Variants in SERTAD4 observed in about 807,000 individuals in gnomAD.
SERTAD4 encodes the protein SERTA domain-containing protein 4.
SERTAD4 carries 18 observed loss-of-function variants against 32.9 expected under a neutral mutation model. The observed-to-expected ratio is 0.55, with a 90% confidence interval of 0.38 to 0.81. SERTAD4 has a LOEUF of 0.81. SERTAD4 is among the 30% of genes least tolerant of loss of function. The probability of loss-of-function intolerance (pLI) is 0.00; values close to 1 mark genes in which losing one functional copy is unlikely to be tolerated. For synonymous variants in SERTAD4, 150 were observed against 156.4 expected, an observed-to-expected ratio of 0.96 and a Z score of 0.30; for missense variants, 383 against 426.0, an observed-to-expected ratio of 0.90 and a Z score of 0.89.
chr1:210,235,927 G>A (rs965801937), intron 1 of SERTAD4, among the ~76,000 whole-genome samples: 3 of 152,208 alleles, frequency 2.0e-5, no homozygotes, highest in Non-Finnish European at 2.9e-5. Flanking sequence ...CTTCAAACTA[G>A]AAAATGTTGA....
chr1:210,233,068 G>A (rs1387223916), intron 1 of SERTAD4, 57 bp downstream of exon 1: 1 of 151,754 alleles, frequency 6.6e-6, no homozygotes, highest in Non-Finnish European at 1.5e-5. Flanking sequence ...AGGGTGGAGG[G>A]CGAGGGCCCC....
chr1:210,238,724 T>A (rs2083968036), intron 2 of SERTAD4, among the ~76,000 whole-genome samples: 1 of 152,190 alleles, frequency 6.6e-6, no homozygotes, highest in Non-Finnish European at 1.5e-5. Flanking sequence ...CACAATTGGT[T>A]TTAGGATTGT....
chr1:210,242,872 A>G lies in SERTAD4; in HGVS notation c.*535A>G. ...ACAGTCTTGTGTGACAGATGAAAATAGGATGTAACATAATGAAACACACCT... is the reference window on the plus strand; with the variant it reads ...ACAGTCTTGTGTGACAGATGAAAATGGGATGTAACATAATGAAACACACCT... On this transcript the variant is annotated 3_prime_UTR_variant, in exon 4 of 4. Coordinates refer to ENST00000367012, the MANE Select transcript of SERTAD4 (RefSeq NM_019605.5). The surrounding 1 kb of genome is among the most constrained non-coding windows in gnomAD (Gnocchi z 4.0). The G allele has an allele frequency of 1.0e-6, 1 of 986,220 alleles. No individual in the cohort carries two copies. The highest frequency in any genetic ancestry group is 1.2e-6 in the Non-Finnish European group (1 of 830,250). The allele number at this position is 986,220 out of a possible 1,614,324, so 61.1% of individuals were successfully genotyped here. A position where few individuals can be genotyped will look rare whatever the true frequency, so the allele number is the denominator to read the frequency against.
chr1:210,239,499 A>T lies in SERTAD4; in HGVS notation c.182A>T (p.His61Leu), dbSNP rs985115883. 20 of 1,578,778 alleles carry T rather than the reference A, an allele frequency of 1.3e-5. No homozygotes were observed. The highest frequency in any genetic ancestry group is 1.7e-5 in the Non-Finnish European group (19 of 1,150,214). ...RGAGPPLAGS[H>L]YRGISNPITT... ...ATCTGATTTATTACCACAGGATCAC[A>T]TTACAGGGGAATTTCAAATCCTATA... Residue 61 changes from histidine to leucine, a missense_variant, in exon 3 of 4, where the codon CAT (histidine) becomes CTT (leucine). By Grantham distance (99) the His-to-Leu change is moderately conservative. Transcript: ENST00000367012.
In SERTAD4 at chr1:210,243,281, C is replaced by A; in HGVS notation, c.*944C>A. On this transcript the variant is annotated 3_prime_UTR_variant, in exon 4 of 4. Coordinates refer to ENST00000367012, the MANE Select transcript of SERTAD4 (RefSeq NM_019605.5). ...GAGAGAGAGAGCTGTTAGAAAGCAG[C>A]ACGGGCTGCTCGAGCTTTTCTATGG... 1 of 361,216 alleles carries A rather than the reference C, an allele frequency of 2.8e-6. No individual in the cohort carries two copies. Among genetic ancestry groups the A allele is most frequent in the Non-Finnish European group, 3.8e-6 (1 of 260,706 alleles). The allele number at this position is 361,216 out of a possible 1,614,324, so 22.4% of individuals were successfully genotyped here.
intron 2 of SERTAD4, among the ~76,000 whole-genome samples, chr1:210,239,109 T>C (rs972505602): frequency 6.6e-6 from 1 of 151,402 alleles, no homozygotes; most frequent in Non-Finnish European, 1.5e-5. Flanking sequence ...CAGTTAAAGA[T>C]GTATACATCT....
At chr1:210,233,909 G>A in intron 1 of SERTAD4, 1 of 441,306 alleles carries the variant, frequency 2.3e-6, no homozygotes, top group Non-Finnish European at 4.6e-6. Context: ...AGCCCCGCCA[G>A]AGCCCTGCCA....
At chr1:210,233,830 T>C in intron 1 of SERTAD4, 1 of 469,380 alleles carries the variant, frequency 2.1e-6, no homozygotes, top group East Asian at 7.0e-5. Context: ...CCAGCGGGTT[T>C]GGCCGGCAAG....
At chr1:210,238,557 G>C (rs1047503226) in intron 2 of SERTAD4, among the ~76,000 whole-genome samples, 4 of 152,156 alleles carry the variant, frequency 2.6e-5, no homozygotes, top group African/African-American at 9.7e-5. Context: ...GCAGCTATGA[G>C]CTTCTTTTCT....
In SERTAD4 at chr1:210,241,538, T is replaced by A. The variant is rs769014707; in HGVS notation, c.292-20T>A. 65 of 1,490,150 alleles carry A rather than the reference T, an allele frequency of 4.4e-5. 1 individual carries two copies. Among genetic ancestry groups the A allele is most frequent in the Non-Finnish European group, 5.5e-5 (62 of 1,121,268 alleles). The allele number at this position is 1,490,150 out of a possible 1,614,324, so 92.3% of individuals were successfully genotyped here. On this transcript the variant is annotated intron_variant, in intron 3 of 3. Coordinates refer to ENST00000367012, the MANE Select transcript of SERTAD4 (RefSeq NM_019605.5). ...CCTTTTTCTGTTTGTTTTTTTCTTT[T>A]TTTTTTTTTTGGTTTGTAGACCATC...
Position 210,242,310 on chromosome 1 carries a change from G to C in SERTAD4, c.1044G>C (p.Leu348=). 5.1e-6 allele frequency: 8 copies of C among 1,583,402 alleles called. No homozygotes were observed. The highest frequency in any genetic ancestry group is 5.1e-6 in the Non-Finnish European group (6 of 1,167,998). The change falls in exon 4 of 4, where the codon CTG becomes CTC. Residue 348 remains leucine (L), a synonymous_variant. Coordinates refer to ENST00000367012, the MANE Select transcript of SERTAD4 (RefSeq NM_019605.5). The surrounding 1 kb of genome is among the most constrained non-coding windows in gnomAD (Gnocchi z 4.0). ...AGGCTTCACCACCAAGTAACAAACT[G>C]TGCTGCAGCAAAGGAAGTAAAATAT... ...KKEASPPSNK[L]CCSKGSKI
In SERTAD4 at chr1:210,242,773, T is replaced by A; in HGVS notation, c.*436T>A. The A allele has an allele frequency of 1.0e-6, 1 of 988,002 alleles. No individual in the cohort carries two copies. Among genetic ancestry groups the A allele is most frequent in the African/African-American group, 1.7e-5 (1 of 57,408 alleles). 61.2% of individuals were successfully genotyped at this position (988,002 alleles called of 1,614,324 possible). On this transcript the variant is annotated 3_prime_UTR_variant, in exon 4 of 4. Transcript: ENST00000367012. The surrounding 1 kb of genome is among the most constrained non-coding windows in gnomAD (Gnocchi z 4.0). ...CTGCTTCTTCTATATGATACAATATTTTTTTTAAATAAAAGACTAAAGACA... is the reference window on the plus strand; with the variant it reads ...CTGCTTCTTCTATATGATACAATATATTTTTTAAATAAAAGACTAAAGACA...
Position 210,238,084 on chromosome 1 carries a change from CCAG to C in SERTAD4, c.127_129del (p.Ala43del), listed in dbSNP as rs755392390. 117 of 1,613,356 alleles carry C rather than the reference CCAG, an allele frequency of 7.3e-5. No individual in the cohort carries two copies. The highest frequency in any genetic ancestry group is 5.0e-4 in the Middle Eastern group (3 of 6,030). On this transcript the variant is annotated inframe_deletion, in exon 2 of 4. Coordinates refer to ENST00000367012, the MANE Select transcript of SERTAD4 (RefSeq NM_019605.5). ...CTACGGAGGCCCAAGCCCCCCAGGG[CCAG>C]CACAAGCTCCTTTGCAGGGAGACCG...
intron 1 of SERTAD4, among the ~76,000 whole-genome samples, chr1:210,235,805 T>C (rs1045885318): frequency 2.0e-5 from 3 of 152,238 alleles, no homozygotes; most frequent in African/African-American, 7.2e-5. Context: ...ATGTTTTTCT[T>C]TCTTAAGGGG....
intron 1 of SERTAD4, chr1:210,233,886 G>A (rs892289659): frequency 4.3e-6 from 2 of 460,382 alleles, no homozygotes; most frequent in Admixed American, 2.4e-5. Context: ...GCTGGAGCGC[G>A]GGGGCCCGGG....
Position 210,242,152 on chromosome 1 carries a change from C to G in SERTAD4, c.886C>G (p.Pro296Ala). Reference sequence around the variant, plus strand: ...TGATGACACCAACAGAGATGGTGGCCCCCTCAGCCACGAACCTGTGGGAAA... The same window carrying G: ...TGATGACACCAACAGAGATGGTGGCGCCCTCAGCCACGAACCTGTGGGAAA... ...ANDDTNRDGGPLSHEPVGNDL... is the reference protein window; with the variant it reads ...ANDDTNRDGGALSHEPVGNDL... Residue 296 changes from proline (P) to alanine (A), a missense_variant, in exon 4 of 4, where the codon CCC (proline) becomes GCC (alanine). Physicochemically the swap from Pro to Ala is conservative, Grantham distance 27. Around this residue, in one of 3 missense-constraint regions of SERTAD4, gnomAD observed 180 missense variants for 190.6 expected, o/e 0.94. Transcript: ENST00000367012. The surrounding 1 kb of genome is among the most constrained non-coding windows in gnomAD (Gnocchi z 4.0). 1 of 1,614,070 alleles carries G rather than the reference C, an allele frequency of 6.2e-7. No homozygotes were observed. The highest frequency in any genetic ancestry group is 8.5e-7 in the Non-Finnish European group (1 of 1,180,004).
chr1:210,241,792 C>T lies in SERTAD4; in HGVS notation c.526C>T (p.Pro176Ser). 6.2e-7 allele frequency: 1 copy of T among 1,614,134 alleles called. No homozygotes were observed. Among genetic ancestry groups the T allele is most frequent in the East Asian group, 2.2e-5 (1 of 44,872 alleles). ...TCAAGACTGCCCTTACCGAAAACGA[C>T]CACGGATGGCCAAAGAGGAATGTGA... Reference protein sequence around the residue: ...MAQDCPYRKRPRMAKEECEKF... With the variant: ...MAQDCPYRKRSRMAKEECEKF... Residue 176 changes from proline (P) to serine (S), a missense_variant, in exon 4 of 4, where the codon CCA becomes TCA. Pro to Ser is a moderately conservative substitution (Grantham distance 74). Around this residue, in one of 3 missense-constraint regions of SERTAD4, gnomAD observed 107 missense variants for 158.8 expected, o/e 0.67. Coordinates refer to ENST00000367012, the MANE Select transcript of SERTAD4 (RefSeq NM_019605.5).
chr1:210,239,654 C>A, intron 3 of SERTAD4, 46 bp downstream of exon 3: 1 of 1,101,732 alleles, frequency 9.1e-7, no homozygotes, highest in Non-Finnish European at 1.3e-6. Flanking sequence ...GTTTAAGATA[C>A]TTAGTAACAG....
In SERTAD4 at chr1:210,241,940, C is replaced by A. The variant is rs775525465; in HGVS notation, c.674C>A (p.Ser225Tyr). 10 of 1,614,154 alleles carry A rather than the reference C, an allele frequency of 6.2e-6. No individual in the cohort carries two copies. Among genetic ancestry groups the A allele is most frequent in the Non-Finnish European group, 8.5e-6 (10 of 1,180,010 alleles). Residue 225 changes from serine to tyrosine, a missense_variant, in exon 4 of 4, where the codon TCC (serine) becomes TAC (tyrosine). Physicochemically the swap from Ser to Tyr is moderately radical, Grantham distance 144. Transcript: ENST00000367012. ...GCCTCCTCTCCCTCCGCCTCTTCTT[C>A]CTCCTCATCTTCCTCTTCCTCTCCC... is the stretch of plus-strand genomic sequence containing the variant. Reference protein sequence around the residue: ...TAASSPSASSSSSSSSSSPPL... With the variant: ...TAASSPSASSYSSSSSSSPPL...
Sources: gnomAD v4.1 joint callset for allele counts (sites outside exome capture counted in the v4.1 genomes callset) on GRCh38, gnomAD v4.1.1 for gene constraint, gnomAD v4.1.1 regional missense constraint, Gnocchi (gnomAD v3.1) non-coding constraint, MANE v1.5 for transcripts, NCBI Gene and HGNC (gene_info 2026-07-23, HGNC 2026-07-21) for gene names.